Variants in EHMT1 observed in about 807,000 individuals in gnomAD.
EHMT1 encodes histone-lysine N-methyltransferase EHMT1.
EHMT1 carries 15 observed loss-of-function variants against 147.2 expected under a neutral mutation model. The ratio of observed to expected loss-of-function variants is 0.10; its 90% CI spans 0.07 to 0.16. The LOEUF is 0.16. Among genes scored for constraint, EHMT1 ranks in the 10% least tolerant of loss-of-function variants. EHMT1 has a pLI of 1.00. For synonymous variants in EHMT1, 795 were observed against 709.6 expected (o/e 1.12, Z -1.91); for missense variants, 1,587 against 1,772.4 (o/e 0.90, Z 1.88).
At chr9:137,834,686 G>A in intron 26 of EHMT1, 87 bp from the exon 27 acceptor site, 4 of 1,606,474 alleles carry the variant, frequency 2.5e-6, no homozygotes, top group Middle Eastern at 1.8e-4. Flanking sequence ...TCGGGGTGAG[G>A]AAGCTTTGGC....
rs33999936 is a variant in EHMT1 at position 137,813,154 on chromosome 9, G to A, written c.3016G>A (p.Val1006Met). ...CTCGGCCCCCGACAGGCCCAGCCCC[G>A]TGGAGAGGATAGTGAGCAGGTGAGC... ...QDSAPDRPSP[V>M]ERIVSRDIAR... Residue 1006 changes from valine (V) to methionine (M), a missense_variant, in exon 20 of 27, where the codon GTG becomes ATG. Val to Met is a conservative substitution (Grantham distance 21). This residue lies in a region of EHMT1 where 78 missense variants were observed against 68.9 expected (regional missense o/e 1.13). Transcript: ENST00000460843. The surrounding 1 kb of genome is among the most constrained non-coding windows in gnomAD (Gnocchi z 4.9). 506 of 1,610,686 alleles carry A rather than the reference G, an allele frequency of 3.1e-4. 3 individuals carry two copies. In the African/African-American group the frequency reaches 5.8e-3, roughly 18 times the overall value.
intron 23 of EHMT1, chr9:137,817,058 G>A (rs981937835): frequency 1.4e-5 from 4 of 284,822 alleles, no homozygotes; most frequent in East Asian, 9.0e-5. Flanking sequence ...GCTCCTTGTC[G>A]GGAGCAGGCT....
intron 2 of EHMT1, among the ~76,000 whole-genome samples, chr9:137,711,355 A>G (rs1046848378): frequency 1.3e-5 from 2 of 152,162 alleles, no homozygotes; most frequent in Non-Finnish European, 2.9e-5. Flanking sequence ...AACCGGAGAC[A>G]CTCCGGTGTC....
intron 1 of EHMT1, among the ~76,000 whole-genome samples, chr9:137,642,386 G>C (rs571412396): frequency 4.0e-5 from 6 of 151,072 alleles, no homozygotes; most frequent in South Asian, 2.1e-4. Flanking sequence ...GTGCACCGTG[G>C]CCTTGAACTC....
chr9:137,673,034 C>T (rs1045028378), intron 1 of EHMT1, among the ~76,000 whole-genome samples: 1 of 152,178 alleles, frequency 6.6e-6, no homozygotes, highest in Non-Finnish European at 1.5e-5. Flanking sequence ...AGGCTGACAC[C>T]GGGCTGGATG....
intron 7 of EHMT1, among the ~76,000 whole-genome samples, chr9:137,753,154 G>A (rs775296906): frequency 2.6e-5 from 4 of 152,134 alleles, no homozygotes; most frequent in Admixed American, 6.5e-5. Context: ...TGTCTGTGCC[G>A]TGGGGGGAAA....
chr9:137,713,843 A>G, intron 2 of EHMT1, among the ~76,000 whole-genome samples: 1 of 151,988 alleles, frequency 6.6e-6, no homozygotes, highest in East Asian at 2.0e-4. Flanking sequence ...CCAGCTACTC[A>G]TGAGGCTGAG....
At chr9:137,738,471 G>A (rs910419673) in intron 4 of EHMT1, 3 of 152,194 alleles carry the variant, frequency 2.0e-5, no homozygotes, top group East Asian at 1.9e-4. Context: ...GTGAAACGGT[G>A]CATCTGCTGT....
chr9:137,816,475 A>G, intron 23 of EHMT1: 1 of 324,344 alleles, frequency 3.1e-6, no homozygotes, highest in South Asian at 2.6e-5. Context: ...GTGATGTCCC[A>G]ACGCTTCTCA....
intron 1 of EHMT1, chr9:137,646,411 A>T (rs1844886637): frequency 2.0e-6 from 2 of 985,444 alleles, no homozygotes; most frequent in Non-Finnish European, 2.4e-6. Context: ...AGGACGAGGG[A>T]CTCATTCTCT....
chr9:137,678,521 C>G (rs1941609972), intron 1 of EHMT1, among the ~76,000 whole-genome samples: 1 of 152,194 alleles, frequency 6.6e-6, no homozygotes, highest in Non-Finnish European at 1.5e-5. Flanking sequence ...CGTGTTCTGT[C>G]TGGTGTTCCT....
At chr9:137,738,301 A>G (rs1034323847) in intron 4 of EHMT1, among the ~76,000 whole-genome samples, 1 of 152,208 alleles carries the variant, frequency 6.6e-6, no homozygotes, top group Non-Finnish European at 1.5e-5. Flanking sequence ...TAAGCCCATG[A>G]AAAGATGCTC....
At chr9:137,730,988 G>A (rs969412607) in intron 4 of EHMT1, among the ~76,000 whole-genome samples, 2 of 152,222 alleles carry the variant, frequency 1.3e-5, no homozygotes, top group African/African-American at 2.4e-5. Flanking sequence ...TTATGCTCAC[G>A]TATGTGAGGA....
intron 2 of EHMT1, among the ~76,000 whole-genome samples, chr9:137,711,778 C>T (rs1944750230): frequency 6.6e-6 from 1 of 152,136 alleles, no homozygotes; most frequent in South Asian, 2.1e-4. Context: ...CTGTGCTGTG[C>T]TCCACAGTGA....
chr9:137,743,278 A>C, intron 4 of EHMT1, 93 bp from the exon 5 acceptor site: 1 of 1,493,460 alleles, frequency 6.7e-7, no homozygotes, highest in South Asian at 1.3e-5. Context: ...TTTGGTGATC[A>C]AGTTTTGTAA....
In EHMT1 at chr9:137,783,576, A is replaced by G. The variant is rs530952558; in HGVS notation, c.2382+1179A>G. On this transcript the variant is annotated intron_variant, in intron 15 of 26. Transcript: ENST00000460843. ...TGATTCTCGTTTATATTTAAAGTAA[A>G]CTACTGAAAAGCTGGTGGTAGCTCT... Among the ~76,000 whole-genome samples the G allele has an allele frequency of 2.0e-5, 3 of 152,320 alleles. 1 individual carries two copies. Among genetic ancestry groups the G allele is most frequent in the Admixed American group, 2.0e-4 (3 of 15,304 alleles).
Position 137,834,342 on chromosome 9 carries a change from C to A in EHMT1, c.3541-7C>A. Reference sequence around the variant, plus strand: ...ACTGCAGCCCGTGCCGGCTTCTCGCCCTGCAGGACGGGGAGGTTTACTGCA... The same window carrying A: ...ACTGCAGCCCGTGCCGGCTTCTCGCACTGCAGGACGGGGAGGTTTACTGCA... On this transcript the variant is annotated splice_polypyrimidine_tract_variant and splice_region_variant and intron_variant, in intron 25 of 26. Transcript: ENST00000460843. 6.2e-7 allele frequency: 1 copy of A among 1,611,088 alleles called. No individual in the cohort carries two copies. Among genetic ancestry groups the A allele is most frequent in the Non-Finnish European group, 8.5e-7 (1 of 1,179,436 alleles).
At chr9:137,684,888 TG>T (rs943290533) in intron 1 of EHMT1, among the ~76,000 whole-genome samples, 3 of 152,236 alleles carry the variant, frequency 2.0e-5, no homozygotes, top group African/African-American at 7.2e-5. Flanking sequence ...TGCTATGTCC[TG>T]TTTTTTTACT....
rs147016158 is a variant in EHMT1 at position 137,640,337 on chromosome 9, G to C, written c.21+21288G>C. On this transcript the variant is annotated intron_variant, in intron 1 of 26. Coordinates refer to ENST00000460843, the MANE Select transcript of EHMT1 (RefSeq NM_024757.5). ...GCTGTTACCCTGGCTGGAGTGCAGT[G>C]GCGTGATCATAGCTCACTGCAGCCT... Among the ~76,000 whole-genome samples the C allele has an allele frequency of 3.3e-5, 5 of 152,286 alleles. No homozygotes were observed. In the East Asian group the frequency reaches 7.7e-4, roughly 24 times the overall value.
Sources: gnomAD v4.1 joint callset for allele counts (sites outside exome capture counted in the v4.1 genomes callset) on GRCh38, gnomAD v4.1.1 for gene constraint, gnomAD v4.1.1 regional missense constraint, Gnocchi (gnomAD v3.1) non-coding constraint, MANE v1.5 for transcripts, NCBI Gene and HGNC (gene_info 2026-07-23, HGNC 2026-07-21) for gene names.